The following CCDC171 variants were observed in gnomAD, a reference collection of about 807,000 sequenced individuals.
The protein encoded by CCDC171 is coiled-coil domain containing 171, also known as coiled-coil domain-containing protein 171.
A neutral mutation model predicts 168.2 loss-of-function variants in CCDC171; 177 were observed. The ratio of observed to expected loss-of-function variants is 1.05; its 90% CI spans 0.93 to 1.19. The LOEUF is 1.19. CCDC171 is among the 50% of genes most tolerant of loss of function. CCDC171 has a pLI of 0.00. For synonymous variants in CCDC171, 687 were observed against 540.8 expected (o/e 1.27, Z -3.75); for missense variants, 1,991 against 1,539.0 (o/e 1.29, Z -4.91).
At chr9:15,945,032 C>G (rs1452078412) in intron 25 of CCDC171, among the ~76,000 whole-genome samples, 1 of 151,816 alleles carries the variant, frequency 6.6e-6, no homozygotes, top group African/African-American at 2.4e-5. Flanking sequence ...CCCTCTCCCC[C>G]GCCCACCCCA....
chr9:15,756,777 A>G (rs187247123), intron 18 of CCDC171, among the ~76,000 whole-genome samples: 1 of 152,314 alleles, frequency 6.6e-6, no homozygotes, highest in Admixed American at 6.5e-5. Flanking sequence ...AGATAATTTA[A>G]TCATGGGGGT....
At chr9:16,040,325 T>C (rs1026549747), upstream of CCDC171, among the ~76,000 whole-genome samples, 1 of 152,304 alleles carries the variant, frequency 6.6e-6, no homozygotes, top group African/African-American at 2.4e-5. Context: ...ATTCTGCAGA[T>C]TGATGGACTG....
rs764705295 is a variant in CCDC171 at position 15,917,997 on chromosome 9, T to C, written c.3601-2273T>C. Among the ~76,000 whole-genome samples, 76 of 151,766 alleles carry C rather than the reference T, an allele frequency of 5.0e-4. 1 individual carries two copies. Among genetic ancestry groups the C allele is most frequent in the Non-Finnish European group, 1.6e-4 (11 of 67,704 alleles). On this transcript the variant is annotated intron_variant, in intron 24 of 25. Transcript: ENST00000380701. ...GTAATAATACTACAATGAAATTCAA[T>C]AGTTTACCATTTTTAGAGTGCTTTC...
chr9:16,090,200 G>A, the CCDC171 span, among the ~76,000 whole-genome samples: 1 of 152,188 alleles, frequency 6.6e-6, no homozygotes, highest in Non-Finnish European at 1.5e-5. Flanking sequence ...AATGGATAAA[G>A]AAAATGTGAC....
chr9:15,626,046 T>C (rs1385815237), intron 7 of CCDC171, among the ~76,000 whole-genome samples: 2 of 152,176 alleles, frequency 1.3e-5, no homozygotes, highest in African/African-American at 2.4e-5. Flanking sequence ...CCCTTGTAAG[T>C]TGGATTCCTA....
At chr9:16,083,894 A>C in the CCDC171 span, among the ~76,000 whole-genome samples, 2 of 152,194 alleles carry the variant, frequency 1.3e-5, no homozygotes, top group Non-Finnish European at 1.5e-5. Context: ...TACAGGCTGC[A>C]GGGCTCAGTC....
At chr9:15,735,088 A>T (rs2054403392) in intron 16 of CCDC171, among the ~76,000 whole-genome samples, 2 of 152,216 alleles carry the variant, frequency 1.3e-5, no homozygotes, top group Non-Finnish European at 2.9e-5. Flanking sequence ...GTAAGAATCT[A>T]ATATTTCTAA....
At chr9:16,000,327 T>A (rs1427316360) in intron 3 of CCDC171, among the ~76,000 whole-genome samples, 20 of 152,204 alleles carry the variant, frequency 1.3e-4, no homozygotes. Context: ...TTGACTTTTT[T>A]TGCTTGCTGT....
chr9:15,622,592 T>A (rs1029592921), intron 6 of CCDC171, among the ~76,000 whole-genome samples: 1 of 152,198 alleles, frequency 6.6e-6, no homozygotes, highest in Non-Finnish European at 1.5e-5. Context: ...CTAGATTAGT[T>A]ACTGTGGAGA....
intron 6 of CCDC171, among the ~76,000 whole-genome samples, chr9:15,608,518 C>G (rs1247621341): frequency 6.6e-6 from 1 of 152,046 alleles, no homozygotes; most frequent in Non-Finnish European, 1.5e-5. Flanking sequence ...GAAATTGTAT[C>G]TCATTCTTGC....
intron 16 of CCDC171, among the ~76,000 whole-genome samples, chr9:15,741,746 C>T (rs2054893625): frequency 2.0e-5 from 3 of 152,000 alleles, no homozygotes; most frequent in Admixed American, 6.6e-5. Context: ...TTTGCCAATT[C>T]TTATGTCTCT....
chr9:15,795,676 A>G (rs906080127), intron 21 of CCDC171, among the ~76,000 whole-genome samples: 13 of 152,210 alleles, frequency 8.5e-5, no homozygotes, highest in African/African-American at 2.2e-4. Flanking sequence ...GGAGAGATCT[A>G]CCTGTGTAAA....
rs550208474 is a variant in CCDC171, at chr9:16,029,832, G to C, written n.999-5625G>C. ...TGAGGGGCTTGTATGTGTTCAACTA[G>C]CTGGACCATAGCTCCTTGCCAACTG... is the stretch of plus-strand genomic sequence containing the variant. On this transcript the variant is annotated intron_variant and non_coding_transcript_variant, in intron 6 of 9. Coordinates refer to the CCDC171 transcript ENST00000486641. 2.8e-3 allele frequency among the ~76,000 whole-genome samples: 427 copies of C among 152,336 alleles called. 4 individuals carry two copies. Among genetic ancestry groups the C allele is most frequent in the African/African-American group, 0.01 (416 of 41,574 alleles).
rs965304192 is a variant in CCDC171, at chr9:15,772,470, T to C, written c.2672-5130T>C. 8.3e-4 allele frequency among the ~76,000 whole-genome samples: 127 copies of C among 152,328 alleles called. 1 individual carries two copies. Among genetic ancestry groups the C allele is most frequent in the African/African-American group, 2.7e-3 (114 of 41,584 alleles). On this transcript the variant is annotated intron_variant, in intron 18 of 25. Coordinates refer to ENST00000380701, the MANE Select transcript of CCDC171 (RefSeq NM_173550.4). ...ACAGTTTGAAAAATGATGTCTATATTCACGTTTCTCAAATTATTAGCAGTT... is the reference window on the plus strand; with the variant it reads ...ACAGTTTGAAAAATGATGTCTATATCCACGTTTCTCAAATTATTAGCAGTT...
chr9:16,062,095 C>T (rs1381526612), downstream of CCDC171, among the ~76,000 whole-genome samples: 1 of 152,158 alleles, frequency 6.6e-6, no homozygotes, highest in Non-Finnish European at 1.5e-5. Context: ...CCCAACACAT[C>T]CCAGAGAGAA....
chr9:15,586,705 G>T (rs576465340), intron 4 of CCDC171, among the ~76,000 whole-genome samples: 8 of 152,276 alleles, frequency 5.3e-5, no homozygotes, highest in Admixed American at 2.0e-4. Context: ...TTAATCCCTG[G>T]AGATGGCGAA....
chr9:15,894,895 G>A (rs1820701347), intron 24 of CCDC171, among the ~76,000 whole-genome samples: 1 of 152,106 alleles, frequency 6.6e-6, no homozygotes, highest in Admixed American at 6.6e-5. Flanking sequence ...ATCCAACAGG[G>A]CAGGGCTTTA....
At chr9:15,911,013 C>T (rs531625127) in intron 24 of CCDC171, among the ~76,000 whole-genome samples, 37 of 152,166 alleles carry the variant, frequency 2.4e-4, no homozygotes, top group African/African-American at 5.8e-4. Context: ...CATATGTGTG[C>T]GTGTGTCTTT....
intron 21 of CCDC171, among the ~76,000 whole-genome samples, chr9:15,820,534 C>T (rs190196557): frequency 8.5e-6 from 1 of 117,502 alleles, no homozygotes; most frequent in Non-Finnish European, 1.9e-5. Flanking sequence ...GAAATACAAA[C>T]TACCATCAGA....
Sources: gnomAD v4.1 joint callset for allele counts (sites outside exome capture counted in the v4.1 genomes callset) on GRCh38, gnomAD v4.1.1 for gene constraint, MANE v1.5 for transcripts, NCBI Gene and HGNC (gene_info 2026-07-23, HGNC 2026-07-21) for gene names.